EPHA5: variants seen among roughly 807,000 people sequenced by gnomAD.
The protein encoded by EPHA5 is ephrin type-A receptor 5.
In EPHA5, 60 loss-of-function variants were observed where a neutral mutation model predicts 105.0. The ratio of observed to expected loss-of-function variants is 0.57; its 90% CI spans 0.46 to 0.71. The LOEUF (loss-of-function observed/expected upper bound fraction) is 0.71, where lower values mean the gene tolerates loss of function less well. Among genes scored for constraint, EPHA5 ranks in the 30% least tolerant of loss-of-function variants. EPHA5 has a pLI of 0.00. For missense variants in EPHA5, 1,218 were observed against 1,274.7 expected (o/e 0.96, Z 0.68); for synonymous variants, 513 against 449.1 (o/e 1.14, Z -1.80).
chr4:65,342,956 A>G (rs1423937091), intron 14 of EPHA5, among the ~76,000 whole-genome samples: 2 of 152,058 alleles, frequency 1.3e-5, no homozygotes, highest in Non-Finnish European at 2.9e-5. Context: ...CCAGAAAAAG[A>G]AAGCACAGAA....
intron 8 of EPHA5, among the ~76,000 whole-genome samples, chr4:65,378,168 G>A (rs1048047893): frequency 1.3e-5 from 2 of 151,796 alleles, no homozygotes; most frequent in African/African-American, 2.4e-5. Flanking sequence ...TTGTAGCACT[G>A]ACAATATTTT....
intron 1 of EPHA5, among the ~76,000 whole-genome samples, chr4:65,651,083 G>C (rs1297782065): frequency 4.6e-5 from 7 of 152,162 alleles, no homozygotes; most frequent in African/African-American, 1.7e-4. Flanking sequence ...AATTTAGGTA[G>C]AAAATATTAG....
At chr4:65,342,779 T>C (rs1400480927) in intron 14 of EPHA5, among the ~76,000 whole-genome samples, 1 of 151,934 alleles carries the variant, frequency 6.6e-6, no homozygotes, top group Non-Finnish European at 1.5e-5. Flanking sequence ...GATGTATGTA[T>C]ATATGTATAT....
intron 16 of EPHA5, chr4:65,331,595 A>G: frequency 9.4e-7 from 1 of 1,065,512 alleles, no homozygotes; most frequent in Non-Finnish European, 1.1e-6. Flanking sequence ...CTTATGTAGG[A>G]CTAGCCACAC....
chr4:65,515,291 T>C (rs1733998816), intron 3 of EPHA5, among the ~76,000 whole-genome samples: 1 of 152,194 alleles, frequency 6.6e-6, no homozygotes, highest in Non-Finnish European at 1.5e-5. Context: ...TGTTTTCTTT[T>C]TTAAAAAAAA....
At chr4:65,532,475 C>G (rs538465600) in intron 3 of EPHA5, among the ~76,000 whole-genome samples, 1 of 151,954 alleles carries the variant, frequency 6.6e-6, no homozygotes, top group Non-Finnish European at 1.5e-5. Context: ...TAGACCAATC[C>G]TATGTAGCTT....
chr4:65,554,470 G>A (rs2149345300), intron 3 of EPHA5, among the ~76,000 whole-genome samples: 1 of 151,242 alleles, frequency 6.6e-6, no homozygotes, highest in Admixed American at 6.6e-5. Context: ...TGCTACAGTA[G>A]TTACAAGTGA....
At chr4:65,467,926 G>T (rs1318944468) in intron 5 of EPHA5, among the ~76,000 whole-genome samples, 1 of 152,150 alleles carries the variant, frequency 6.6e-6, no homozygotes, top group Non-Finnish European at 1.5e-5. Flanking sequence ...GGTGGAAGAA[G>T]AGGACCAGCA....
chr4:65,476,160 T>TGTGTGTG (rs1729797571), intron 5 of EPHA5, among the ~76,000 whole-genome samples: 3 of 93,210 alleles, frequency 3.2e-5, no homozygotes, highest in African/African-American at 1.3e-4. Context: ...GTGTGTGTGT[T>TGTGTGTG]AAAATATGCA....
intron 3 of EPHA5, among the ~76,000 whole-genome samples, chr4:65,553,814 C>T (rs563778654): frequency 6.6e-6 from 1 of 152,034 alleles, no homozygotes; most frequent in African/African-American, 2.4e-5. Context: ...TCACAGTTGC[C>T]TAAAAATTTA....
intron 5 of EPHA5, among the ~76,000 whole-genome samples, chr4:65,485,778 A>C (rs949761209): frequency 1.7e-4 from 26 of 152,304 alleles, no homozygotes; most frequent in African/African-American, 6.0e-4. Flanking sequence ...ACCACAAAGA[A>C]TGGTGCTTTG....
chr4:65,458,533 C>T (rs1337292344), intron 5 of EPHA5, among the ~76,000 whole-genome samples: 2 of 152,080 alleles, frequency 1.3e-5, no homozygotes, highest in African/African-American at 4.8e-5. Flanking sequence ...TTGAGTGTCT[C>T]ATCTGGAAAT....
In EPHA5 at chr4:65,646,199, G is replaced by A. The variant is rs376706973; in HGVS notation, c.182-2772C>T. ...CTTCCCTTTCCTAAATCTGAGTTAG[G>A]TATTATTACTTAATATTCTATGACT... On this transcript the variant is annotated intron_variant, in intron 1 of 16. Transcript: ENST00000613740. Among the ~76,000 whole-genome samples the A allele has an allele frequency of 1.2e-4, 19 of 152,126 alleles. 1 individual carries two copies. Among genetic ancestry groups the A allele is most frequent in the African/African-American group, 4.6e-4 (19 of 41,522 alleles).
At chr4:65,577,128 CTTTG>C (rs376712414) in intron 3 of EPHA5, among the ~76,000 whole-genome samples, 93 of 152,140 alleles carry the variant, frequency 6.1e-4, no homozygotes, top group African/African-American at 2.2e-3. Flanking sequence ...TAAGGTTTTT[CTTTG>C]TTTGTTAATT....
rs115245546 is a variant in EPHA5, at chr4:65,357,526, T to A, written c.2174-4423A>T. On this transcript the variant is annotated intron_variant, in intron 11 of 16. Transcript: ENST00000613740. ...CAGGAATTTACCTTTTCTCAATAAA[T>A]ATTCTATTTTTATATATGCTCATTA... Among the ~76,000 whole-genome samples the A allele has an allele frequency of 4.5e-3, 676 of 151,564 alleles. 6 individuals carry two copies. The highest frequency in any genetic ancestry group is 0.015 in the African/African-American group (635 of 41,444).
intron 2 of EPHA5, among the ~76,000 whole-genome samples, chr4:65,619,930 A>C (rs1182928509): frequency 1.3e-5 from 2 of 151,268 alleles, no homozygotes; most frequent in East Asian, 1.9e-4. Context: ...AATTGATAAT[A>C]ATATTATAAA....
intron 3 of EPHA5, chr4:65,573,435 AG>A (rs1396664340): frequency 4.0e-5 from 44 of 1,088,302 alleles, no homozygotes; most frequent in South Asian, 2.2e-4. Context: ...AAAAAAAAAA[AG>A]AAGCTCTTTC....
chr4:65,321,236 T>C lies in EPHA5; in HGVS notation c.*2878A>G, dbSNP rs1719615820. The C allele has an allele frequency of 4.3e-6, 1 of 230,612 alleles. No individual in the cohort carries two copies. Among genetic ancestry groups the C allele is most frequent in the East Asian group, 6.1e-5 (1 of 16,332 alleles). The allele number at this position is 230,612 out of a possible 1,614,324, so 14.3% of individuals were successfully genotyped here. A position where few individuals can be genotyped will look rare whatever the true frequency, so the allele number is the denominator to read the frequency against. On this transcript the variant is annotated 3_prime_UTR_variant, in exon 17 of 17. Coordinates refer to ENST00000613740, the MANE Select transcript of EPHA5 (RefSeq NM_001281766.3). ...GATTATGTATTATTTGCCAAATCTG[T>C]TGTATATACTAAAATTGTCATGTCT...
At chr4:65,366,181 C>G in intron 9 of EPHA5, 124 bp from the exon 10 acceptor site, 1 of 796,174 alleles carries the variant, frequency 1.3e-6, no homozygotes, top group East Asian at 2.7e-5. Flanking sequence ...CTGCAAGGAC[C>G]AGCCCTCTCC....
Sources: allele counts gnomAD v4.1 joint callset (sites outside exome capture counted in the v4.1 genomes callset), GRCh38; gene constraint gnomAD v4.1.1; transcripts MANE v1.5; gene names NCBI Gene and HGNC (gene_info 2026-07-23, HGNC 2026-07-21).